Variants in HHIPL1 observed in about 807,000 individuals in gnomAD.
The protein encoded by HHIPL1 is HHIP-like protein 1.
HHIPL1 carries 43 observed loss-of-function variants against 61.8 expected under a neutral mutation model. That is an observed-to-expected ratio of 0.70 (90% CI 0.55 to 0.90). The LOEUF (loss-of-function observed/expected upper bound fraction) is 0.90, where lower values mean the gene tolerates loss of function less well. HHIPL1 is among the 40% of genes least tolerant of loss of function. The pLI is 0.00. For synonymous variants in HHIPL1, 482 were observed against 515.8 expected (o/e 0.93, Z 0.89); for missense variants, 1,056 against 1,157.7 (o/e 0.91, Z 1.28).
chr14:99,635,990 C>G, the HHIPL1 span, among the ~76,000 whole-genome samples: 28 of 152,182 alleles, frequency 1.8e-4, no homozygotes, highest in Non-Finnish European at 1.5e-5. Flanking sequence ...GCCCTGGGTT[C>G]TAGCCTTCCA....
Position 99,666,294 on chromosome 14 carries a change from C to T in HHIPL1, c.1649-1928C>T, listed in dbSNP as rs112389290. ...GAAGGTCAGAGAAAAACTTTTGCTT[C>T]GGAGGCAGCTTCTGAGGCCTTCATT... On this transcript the variant is annotated intron_variant, in intron 6 of 8. Coordinates refer to ENST00000330710, the MANE Select transcript of HHIPL1 (RefSeq NM_001127258.3). Among the ~76,000 whole-genome samples the T allele has an allele frequency of 2.9e-3, 436 of 152,300 alleles. 2 individuals carry two copies. Among genetic ancestry groups the T allele is most frequent in the African/African-American group, 9.8e-3 (406 of 41,568 alleles).
intron 8 of HHIPL1, among the ~76,000 whole-genome samples, chr14:99,672,708 A>G (rs988881603): frequency 6.6e-6 from 1 of 152,196 alleles, no homozygotes; most frequent in Non-Finnish European, 1.5e-5. Context: ...TAAGCAAGGG[A>G]GACCGGAAGA....
At chr14:99,610,760 C>A in the HHIPL1 span, among the ~76,000 whole-genome samples, 13 of 151,030 alleles carry the variant, frequency 8.6e-5, no homozygotes, top group Admixed American at 8.6e-4. Context: ...GACTCCACCT[C>A]AAAAAAAAAT....
In HHIPL1 at chr14:99,652,284, A is replaced by C. The variant is rs779775852; in HGVS notation, c.316A>C (p.Thr106Pro). 3.1e-6 allele frequency: 5 copies of C among 1,613,840 alleles called. No homozygotes were observed. In the East Asian group the frequency reaches 1.1e-4, roughly 36 times the overall value. ...DAEDPFTPLR[T>P]VPGLCQDYCL... is the part of the protein sequence containing the mutation. The stretch of plus-strand genomic sequence containing the variant: ...CGAGGACCCATTCACGCCCCTGCGC[A>C]CGGTGCCCGGGCTCTGCCAGGATTA... Residue 106 changes from threonine to proline, a missense_variant, in exon 2 of 9, where the codon ACG (threonine) becomes CCG (proline). Transcript: ENST00000330710.
At chr14:99,625,544 C>T in the HHIPL1 span, 1 of 152,292 alleles carries the variant, frequency 6.6e-6, no homozygotes, top group East Asian at 1.9e-4. Context: ...GGTCCTGTCC[C>T]AAACAGCACT....
the HHIPL1 span, among the ~76,000 whole-genome samples, chr14:99,613,321 G>T: frequency 1.3e-5 from 2 of 150,966 alleles, no homozygotes; most frequent in Non-Finnish European, 3.0e-5. Context: ...CATACATGTG[G>T]TTTTTTTTAA....
At chr14:99,665,315 C>T (rs1386938272) in intron 6 of HHIPL1, among the ~76,000 whole-genome samples, 3 of 152,184 alleles carry the variant, frequency 2.0e-5, no homozygotes, top group Non-Finnish European at 2.9e-5. Flanking sequence ...GTGGGGAGGG[C>T]CAGCACAGCC....
At chr14:99,645,855 G>A (rs1355178568) in intron 1 of HHIPL1, among the ~76,000 whole-genome samples, 1 of 152,136 alleles carries the variant, frequency 6.6e-6, no homozygotes, top group African/African-American at 2.4e-5. Flanking sequence ...CATCTGTCCC[G>A]GTCAGTGCTC....
chr14:99,626,290 G>GTGTGTA, the HHIPL1 span, among the ~76,000 whole-genome samples: 1 of 152,096 alleles, frequency 6.6e-6, no homozygotes, highest in African/African-American at 2.4e-5. Flanking sequence ...GTGTGTGTGT[G>GTGTGTA]TATGCATGTG....
chr14:99,646,828 ATATG>A (rs1239170327), intron 1 of HHIPL1, among the ~76,000 whole-genome samples: 9,971 of 77,250 alleles, frequency 0.13, 356 homozygotes, highest in East Asian at 0.21. Context: ...ATATGATATG[ATATG>A]ATATAATATA....
At position 99,652,390 on chromosome 14, in the gene HHIPL1, A is replaced by G. The variant is rs1595150988; in HGVS notation, c.422A>G (p.Asn141Ser). The change falls in exon 2 of 9, where the codon AAC (asparagine) becomes AGC (serine). Residue 141 changes from asparagine to serine, a missense_variant. Physicochemically the swap from Asn to Ser is conservative, Grantham distance 46. Transcript: ENST00000330710. The stretch of plus-strand genomic sequence containing the variant: ...CAGGAGCTCTGGGCGCTGGAGGGCA[A>G]CCTTGCCAGGTTCTGCCGCTACCTG... ...TDQELWALEG[N>S]LARFCRYLSL... 2 of 1,614,186 alleles carry G rather than the reference A, an allele frequency of 1.2e-6. No individual in the cohort carries two copies. Among genetic ancestry groups the G allele is most frequent in the Non-Finnish European group, 1.7e-6 (2 of 1,180,028 alleles).
chr14:99,613,422 C>T, the HHIPL1 span, among the ~76,000 whole-genome samples: 1 of 151,664 alleles, frequency 6.6e-6, no homozygotes, highest in Non-Finnish European at 1.5e-5. Context: ...ACCTCCTGGG[C>T]TCAAGCAATT....
intron 6 of HHIPL1, among the ~76,000 whole-genome samples, chr14:99,664,288 A>C (rs1258887745): frequency 6.6e-6 from 1 of 152,092 alleles, no homozygotes; most frequent in Non-Finnish European, 1.5e-5. Context: ...CCTTTGTTGA[A>C]CCGTCAGAAT....
rs1566819628 is a variant in HHIPL1 at position 99,675,579 on chromosome 14, G to A, written c.2302G>A (p.Asp768Asn). ...NGVGTHNCEH[D>N]EDAGVVCSHQ... is the part of the protein sequence containing the mutation. ...CGTGGGCACCCACAACTGCGAGCAC[G>A]ACGAGGATGCGGGCGTCGTGTGCAG... Residue 768 changes from aspartate (D) to asparagine (N), a missense_variant, in exon 9 of 9, where the codon GAC (aspartate) becomes AAC (asparagine). Coordinates refer to ENST00000330710, the MANE Select transcript of HHIPL1 (RefSeq NM_001127258.3). This position sits in a 1 kb window ranked among gnomAD's most constrained non-coding sequence, Gnocchi z 5.4. 2 of 1,535,030 alleles carry A rather than the reference G, an allele frequency of 1.3e-6. No homozygotes were observed. Among genetic ancestry groups the A allele is most frequent in the African/African-American group, 1.4e-5 (1 of 72,846 alleles).
intron 3 of HHIPL1, 50 bp from the exon 4 acceptor site, chr14:99,659,378 C>A (rs2056102318): frequency 1.5e-6 from 2 of 1,351,710 alleles, no homozygotes; most frequent in South Asian, 3.3e-5. Context: ...AGCCCGTGAG[C>A]CCTGGCTCAG....
chr14:99,656,440 A>G (rs1280421931), intron 2 of HHIPL1, among the ~76,000 whole-genome samples: 1 of 152,066 alleles, frequency 6.6e-6, no homozygotes, highest in African/African-American at 2.4e-5. Context: ...CATTCTACCT[A>G]CTAGCTCCTT....
chr14:99,621,077 C>T, the HHIPL1 span, among the ~76,000 whole-genome samples: 1 of 152,210 alleles, frequency 6.6e-6, no homozygotes, highest in Non-Finnish European at 1.5e-5. Context: ...CACCTGACCA[C>T]GACTTGCCCT....
In HHIPL1 at chr14:99,645,444, G is replaced by A; in HGVS notation, c.237G>A (p.Ala79=). 3 of 1,349,102 alleles carry A rather than the reference G, an allele frequency of 2.2e-6. No homozygotes were observed. The highest frequency in any genetic ancestry group is 3.6e-5 in the Admixed American group (1 of 27,460). 83.6% of individuals were successfully genotyped at this position (1,349,102 alleles called of 1,614,324 possible). The stretch of plus-strand genomic sequence containing the variant: ...AGTGGGCCGCGTGCGCCGGCTACGC[G>A]AGGGACCTGCTGTGCCAGGTGAGCG... ...AAEWAACAGY[A]RDLLCQECSP... The change falls in exon 1 of 9, where the codon GCG becomes GCA. Residue 79 remains alanine, a synonymous_variant. Coordinates refer to ENST00000330710, the MANE Select transcript of HHIPL1 (RefSeq NM_001127258.3).
the HHIPL1 span, among the ~76,000 whole-genome samples, chr14:99,612,952 C>T: frequency 1.3e-5 from 2 of 152,212 alleles, no homozygotes; most frequent in East Asian, 3.9e-4. Context: ...GATCTGAGAC[C>T]AATCTCCTCC....
Sources: allele counts gnomAD v4.1 joint callset (sites outside exome capture counted in the v4.1 genomes callset), GRCh38; gene constraint gnomAD v4.1.1; non-coding constraint Gnocchi (gnomAD v3.1); transcripts MANE v1.5; gene names NCBI Gene and HGNC (gene_info 2026-07-23, HGNC 2026-07-21).